Variants in BBS9 observed in about 807,000 individuals in gnomAD.
BBS9 encodes Bardet-Biedl syndrome 9.
A neutral mutation model predicts 117.7 loss-of-function variants in BBS9; 89 were observed. The ratio of observed to expected loss-of-function variants is 0.76; its 90% CI spans 0.64 to 0.90. The LOEUF (loss-of-function observed/expected upper bound fraction) is 0.90, where lower values mean the gene tolerates loss of function less well. Ranked by LOEUF, BBS9 falls within the 40% of genes least tolerant of loss-of-function variation. BBS9 has a pLI of 0.00. For missense variants in BBS9, 982 were observed against 1,042.2 expected, an observed-to-expected ratio of 0.94 and a Z score of 0.80; for synonymous variants, 379 against 370.9, an observed-to-expected ratio of 1.02 and a Z score of -0.25.
intron 19 of BBS9, among the ~76,000 whole-genome samples, chr7:33,395,605 G>A (rs1476863812): frequency 6.6e-6 from 1 of 152,104 alleles, no homozygotes; most frequent in East Asian, 1.9e-4. Flanking sequence ...GCAGATGGCT[G>A]ACTTTTCTCT....
chr7:33,310,579 G>T (rs957941562), intron 9 of BBS9, among the ~76,000 whole-genome samples: 4 of 152,146 alleles, frequency 2.6e-5, no homozygotes, highest in African/African-American at 4.8e-5. Context: ...CATTAAAAGG[G>T]ACTGCCTTGT....
chr7:33,179,727 G>A (rs970014144), intron 5 of BBS9, among the ~76,000 whole-genome samples: 2 of 152,096 alleles, frequency 1.3e-5, no homozygotes, highest in East Asian at 1.9e-4. Flanking sequence ...GAGTCATCCC[G>A]AAATCTTCCC....
At chr7:33,292,380 A>G (rs1804243367) in intron 9 of BBS9, among the ~76,000 whole-genome samples, 1 of 152,024 alleles carries the variant, frequency 6.6e-6, no homozygotes, top group Admixed American at 6.5e-5. Context: ...GGTGTGTGCC[A>G]CCACACCTGG....
chr7:33,524,247 A>G (rs1158382524), intron 20 of BBS9, among the ~76,000 whole-genome samples: 6 of 151,532 alleles, frequency 4.0e-5, no homozygotes, highest in African/African-American at 1.5e-4. Context: ...TTGGTATCAG[A>G]ATGATGCTGG....
At chr7:33,160,698 T>C (rs1197534817) in intron 4 of BBS9, among the ~76,000 whole-genome samples, 1 of 152,138 alleles carries the variant, frequency 6.6e-6, no homozygotes, top group Non-Finnish European at 1.5e-5. Context: ...AGGGGCCCTT[T>C]TGAGTTGTGA....
intron 5 of BBS9, among the ~76,000 whole-genome samples, chr7:33,236,622 G>A (rs1170840198): frequency 6.6e-6 from 1 of 151,874 alleles, no homozygotes; most frequent in Admixed American, 6.6e-5. Context: ...ATATGTGCTA[G>A]TAGGATTGTT....
chr7:33,565,790 T>C (rs1856759510), intron 21 of BBS9, among the ~76,000 whole-genome samples: 1 of 30,488 alleles, frequency 3.3e-5, no homozygotes, highest in Admixed American at 2.4e-4. Context: ...AGTATATATA[T>C]ATATATATAT....
intron 20 of BBS9, among the ~76,000 whole-genome samples, chr7:33,522,337 G>A (rs930216377): frequency 2.6e-5 from 4 of 151,542 alleles, no homozygotes; most frequent in Non-Finnish European, 4.4e-5. Flanking sequence ...CTTCCACAAT[G>A]GTTGAACTAG....
At chr7:33,367,694 C>A in intron 16 of BBS9, 73 bp from the exon 17 acceptor site, 1 of 1,253,392 alleles carries the variant, frequency 8.0e-7, no homozygotes, top group Non-Finnish European at 1.2e-6. Context: ...CATCATTCAA[C>A]TAAGGTTCCT....
chr7:33,142,159 G>A (rs1026331539), intron 1 of BBS9, among the ~76,000 whole-genome samples: 1 of 152,096 alleles, frequency 6.6e-6, no homozygotes, highest in Non-Finnish European at 1.5e-5. Context: ...CTGACCTCGT[G>A]ATCCGCCCGC....
chr7:33,527,329 G>A (rs1395258605), intron 20 of BBS9, among the ~76,000 whole-genome samples: 2 of 152,130 alleles, frequency 1.3e-5, no homozygotes, highest in South Asian at 2.1e-4. Context: ...GGGCAATGGT[G>A]GGCGCCCCTC....
intron 21 of BBS9, among the ~76,000 whole-genome samples, chr7:33,585,810 T>C (rs1195634435): frequency 6.6e-6 from 1 of 152,068 alleles, no homozygotes; most frequent in Admixed American, 6.6e-5. Flanking sequence ...TGTACATTCG[T>C]ACCTTTTTTT....
chr7:33,455,280 C>T (rs1838472579), intron 19 of BBS9, among the ~76,000 whole-genome samples: 1 of 152,164 alleles, frequency 6.6e-6, no homozygotes, highest in East Asian at 1.9e-4. Context: ...GGAGGGAACA[C>T]GTAAGACACA....
chr7:33,585,008 C>A (rs1326993183), intron 21 of BBS9, among the ~76,000 whole-genome samples: 2 of 152,068 alleles, frequency 1.3e-5, no homozygotes, highest in Non-Finnish European at 2.9e-5. Context: ...TCTTTTTCCT[C>A]AACAGAATTG....
At chr7:33,528,324 G>A (rs955723496) in intron 20 of BBS9, among the ~76,000 whole-genome samples, 4 of 149,558 alleles carry the variant, frequency 2.7e-5, no homozygotes, top group African/African-American at 7.4e-5. Flanking sequence ...AACAGGTCTC[G>A]TGGTTTTTTG....
At chr7:33,610,404 G>T (rs1373839964), downstream of BBS9, among the ~76,000 whole-genome samples, 6 of 152,098 alleles carry the variant, frequency 3.9e-5, no homozygotes, top group African/African-American at 1.4e-4. Flanking sequence ...GCACCAGAAG[G>T]TTTGGTATCT....
chr7:33,354,036 G>C (rs971028704), intron 15 of BBS9, among the ~76,000 whole-genome samples: 2 of 151,922 alleles, frequency 1.3e-5, no homozygotes, highest in African/African-American at 4.8e-5. Flanking sequence ...ATCAGTTAAG[G>C]TTATTGTTCA....
intron 19 of BBS9, among the ~76,000 whole-genome samples, chr7:33,421,430 G>A (rs1216892885): frequency 6.6e-6 from 1 of 152,276 alleles, no homozygotes; most frequent in East Asian, 1.9e-4. Flanking sequence ...TGGTGTGTAT[G>A]TTTGTAAACT....
At chr7:33,283,536 G>A (rs1802309100) in intron 9 of BBS9, among the ~76,000 whole-genome samples, 1 of 151,678 alleles carries the variant, frequency 6.6e-6, no homozygotes, top group African/African-American at 2.4e-5. Context: ...CTTCTAGTGT[G>A]GCTTTCAACC....
Sources: gnomAD v4.1 joint callset for allele counts (sites outside exome capture counted in the v4.1 genomes callset) on GRCh38, gnomAD v4.1.1 for gene constraint, MANE v1.5 for transcripts, NCBI Gene and HGNC (gene_info 2026-07-23, HGNC 2026-07-21) for gene names.